Variants in OCIAD1 observed in about 807,000 individuals in gnomAD.
OCIAD1 encodes OCIA domain containing 1.
A neutral mutation model predicts 38.9 loss-of-function variants in OCIAD1; 29 were observed. The observed-to-expected ratio is 0.74, with a 90% CI of 0.55 to 1.02. OCIAD1 has a LOEUF of 1.02. Among genes scored for constraint, OCIAD1 ranks in the 50% least tolerant of loss-of-function variants. OCIAD1 has a pLI of 0.00. For synonymous variants in OCIAD1, 110 were observed against 92.0 expected, an observed-to-expected ratio of 1.20 and a Z score of -1.12; for missense variants, 288 against 289.6, an observed-to-expected ratio of 0.99 and a Z score of 0.04.
upstream of OCIAD1, chr4:48,830,457 G>GCTGA (rs1777384309): frequency 6.6e-6 from 1 of 152,206 alleles, no homozygotes; most frequent in Admixed American, 6.6e-5. Context: ...TGAGTAAAAT[G>GCTGA]CTGATTGGCT....
intron 3 of OCIAD1, among the ~76,000 whole-genome samples, chr4:48,838,800 C>T (rs1180578810): frequency 6.6e-6 from 1 of 152,150 alleles, no homozygotes; most frequent in Non-Finnish European, 1.5e-5. Flanking sequence ...TAAAATTAGA[C>T]TTGTTGATCT....
intron 1 of OCIAD1, among the ~76,000 whole-genome samples, chr4:48,819,984 C>A (rs1777178281): frequency 1.3e-5 from 2 of 152,070 alleles, no homozygotes; most frequent in African/African-American, 2.4e-5. Context: ...CAATATTAGA[C>A]AGATCAATGA....
chr4:48,857,631 T>A (rs1275116968), intron 8 of OCIAD1, among the ~76,000 whole-genome samples: 3 of 152,006 alleles, frequency 2.0e-5, no homozygotes, highest in African/African-American at 4.8e-5. Context: ...GCAATCCTCC[T>A]GCCTCAGCCT....
At chr4:48,854,227 A>G (rs1447089107) in intron 7 of OCIAD1, among the ~76,000 whole-genome samples, 1 of 152,090 alleles carries the variant, frequency 6.6e-6, no homozygotes, top group Non-Finnish European at 1.5e-5. Context: ...TGTTTTTTTG[A>G]TCTAGATGGC....
chr4:48,839,547 T>TA (rs1289009863), intron 3 of OCIAD1, among the ~76,000 whole-genome samples: 1 of 152,170 alleles, frequency 6.6e-6, no homozygotes, highest in Non-Finnish European at 1.5e-5. Context: ...GTCTGTGCTA[T>TA]ACTTTTCTTA....
intron 8 of OCIAD1, 60 bp downstream of exon 8, chr4:48,857,425 T>C: frequency 1.9e-6 from 2 of 1,044,558 alleles, no homozygotes; most frequent in Non-Finnish European, 2.6e-6. Flanking sequence ...AACATTACTT[T>C]AAAACAATAC....
At chr4:48,821,524 T>C (rs1275693331) in intron 1 of OCIAD1, among the ~76,000 whole-genome samples, 1 of 152,144 alleles carries the variant, frequency 6.6e-6, no homozygotes, top group Non-Finnish European at 1.5e-5. Context: ...CTATTTAACG[T>C]AGTATTGGAA....
chr4:48,832,075 T>A (rs1194513409), intron 1 of OCIAD1, among the ~76,000 whole-genome samples: 1 of 152,232 alleles, frequency 6.6e-6, no homozygotes, highest in Admixed American at 6.5e-5. Context: ...GATACAGAAT[T>A]TGCTGTTAGT....
intron 1 of OCIAD1, among the ~76,000 whole-genome samples, chr4:48,809,691 C>T (rs1326115450): frequency 6.6e-6 from 1 of 152,030 alleles, no homozygotes; most frequent in Admixed American, 6.6e-5. Context: ...TTGTAGGATG[C>T]CCAAGCACCC....
At position 48,812,231 on chromosome 4, in the gene OCIAD1, C is replaced by T. The variant is rs369399957; in HGVS notation, c.-103+6901C>T. On this transcript the variant is annotated intron_variant, in intron 1 of 6. Coordinates refer to the OCIAD1 transcript ENST00000504654. ...CCAGGAGGTGGAGGTTGCAGTGAGC[C>T]GAAATCATGCCACTGCACTCCAGTC... 3.7e-4 allele frequency among the ~76,000 whole-genome samples: 42 copies of T among 113,142 alleles called. No homozygotes were observed. In the East Asian group the frequency reaches 0.011, roughly 30 times the overall value. The allele number at this position is 113,142 out of a possible 152,430, so 74.2% of individuals were successfully genotyped here. A position where few individuals can be genotyped will look rare whatever the true frequency, so the allele number is the denominator to read the frequency against.
intron 6 of OCIAD1, among the ~76,000 whole-genome samples, chr4:48,851,494 C>T (rs1204656076): frequency 1.3e-5 from 2 of 152,090 alleles, no homozygotes; most frequent in African/African-American, 4.8e-5. Flanking sequence ...TTGAGACCAG[C>T]CAGGGCAATA....
rs576081813 is a variant in OCIAD1, at chr4:48,819,716, C to CAAAAAAAAAAA, written c.-102-10843_-102-10833dup. Among the ~76,000 whole-genome samples, 76 of 10,450 alleles carry CAAAAAAAAAAA rather than the reference C, an allele frequency of 7.3e-3. 28 individuals carry two copies. The highest frequency in any genetic ancestry group is 0.011 in the Non-Finnish European group (61 of 5,678). 6.9% of individuals were successfully genotyped at this position (10,450 alleles called of 152,430 possible). On this transcript the variant is annotated intron_variant, in intron 1 of 6. Transcript: ENST00000504654. The stretch of plus-strand genomic sequence containing the variant: ...GAGACGGAGGAATATTTACCAAGCG[C>CAAAAAAAAAAA]AAAAAAAAAAAAAAAAAAAAAAAAA...
chr4:48,839,103 AT>A (rs1778285629), intron 3 of OCIAD1, among the ~76,000 whole-genome samples: 1 of 152,176 alleles, frequency 6.6e-6, no homozygotes, highest in Non-Finnish European at 1.5e-5. Context: ...TATTTCATAT[AT>A]GTGTACTACT....
chr4:48,830,064 A>C (rs1777354997), upstream of OCIAD1, among the ~76,000 whole-genome samples: 1 of 152,232 alleles, frequency 6.6e-6, no homozygotes, highest in South Asian at 2.1e-4. Context: ...CTGGGGAAAC[A>C]GTGCACAGAG....
intron 8 of OCIAD1, among the ~76,000 whole-genome samples, chr4:48,858,164 C>A (rs941849705): frequency 1.3e-5 from 2 of 151,708 alleles, no homozygotes; most frequent in African/African-American, 4.8e-5. Flanking sequence ...CCCCTCCCCC[C>A]GCCAAAAAAA....
At chr4:48,810,051 T>C (rs1355376234) in intron 1 of OCIAD1, among the ~76,000 whole-genome samples, 2 of 152,152 alleles carry the variant, frequency 1.3e-5, no homozygotes, top group Non-Finnish European at 2.9e-5. Flanking sequence ...ACCTCTTATT[T>C]TGAGAACTAA....
chr4:48,851,415 C>T (rs540588234), intron 6 of OCIAD1, among the ~76,000 whole-genome samples: 8 of 152,248 alleles, frequency 5.3e-5, no homozygotes, highest in South Asian at 2.1e-4. Context: ...AGGCCAGACG[C>T]GGTGGCTCAT....
chr4:48,826,418 C>T (rs910419889), upstream of OCIAD1, among the ~76,000 whole-genome samples: 1 of 152,108 alleles, frequency 6.6e-6, no homozygotes, highest in Non-Finnish European at 1.5e-5. Context: ...GTTTTCTGTC[C>T]TTGCGATAGT....
chr4:48,857,777 T>G (rs186534774), intron 8 of OCIAD1, among the ~76,000 whole-genome samples: 20 of 152,202 alleles, frequency 1.3e-4, no homozygotes, highest in African/African-American at 3.9e-4. Context: ...TCTCTGAGAG[T>G]GCTAGGATTA....
Sources: allele counts gnomAD v4.1 joint callset (sites outside exome capture counted in the v4.1 genomes callset), GRCh38; gene constraint gnomAD v4.1.1; transcripts MANE v1.5; gene names NCBI Gene and HGNC (gene_info 2026-07-23, HGNC 2026-07-21).